NRCAM: variants seen among roughly 807,000 people sequenced by gnomAD.
NRCAM encodes the protein NgCAM-related cell adhesion molecule.
A neutral mutation model predicts 156.5 loss-of-function variants in NRCAM; 83 were observed. That is an observed-to-expected ratio of 0.53 (90% CI 0.44 to 0.64). The LOEUF (loss-of-function observed/expected upper bound fraction) is 0.64. Ranked by LOEUF, NRCAM falls within the 30% of genes least tolerant of loss-of-function variation. The pLI is 0.00. For missense variants in NRCAM, 1,417 were observed against 1,597.3 expected, an observed-to-expected ratio of 0.89 and a Z score of 1.92; for synonymous variants, 538 against 563.9, an observed-to-expected ratio of 0.95 and a Z score of 0.65.
chr7:108,333,678 A>G (rs1307266307), intron 2 of NRCAM, among the ~76,000 whole-genome samples: 1 of 152,232 alleles, frequency 6.6e-6, no homozygotes, highest in African/African-American at 2.4e-5. Flanking sequence ...GAATCTGTTA[A>G]AAGATATAGA....
intron 5 of NRCAM, among the ~76,000 whole-genome samples, chr7:108,236,419 G>A (rs1001274508): frequency 6.6e-6 from 1 of 151,758 alleles, no homozygotes; most frequent in Non-Finnish European, 1.5e-5. Flanking sequence ...CTTTCCAGCT[G>A]CCCTTCCCCC....
chr7:108,298,990 C>T (rs889864461), intron 3 of NRCAM, among the ~76,000 whole-genome samples: 5 of 148,392 alleles, frequency 3.4e-5, no homozygotes, highest in African/African-American at 5.0e-5. Flanking sequence ...TCTGTAATCC[C>T]AGCTACTTGG....
chr7:108,247,196 T>C (rs967028499), intron 3 of NRCAM, among the ~76,000 whole-genome samples: 2 of 152,166 alleles, frequency 1.3e-5, no homozygotes, highest in African/African-American at 2.4e-5. Context: ...TAATAAACTG[T>C]TGTTGTTTGA....
At chr7:108,179,770 C>A (rs2062504780) in intron 25 of NRCAM, among the ~76,000 whole-genome samples, 1 of 152,112 alleles carries the variant, frequency 6.6e-6, no homozygotes, top group Admixed American at 6.5e-5. Context: ...TAGAAAAGAG[C>A]ACTAAGAAAG....
chr7:108,230,836 T>C (rs1433163547), intron 8 of NRCAM, among the ~76,000 whole-genome samples, 195 bp downstream of exon 8: 1 of 152,126 alleles, frequency 6.6e-6, no homozygotes, highest in African/African-American at 2.4e-5. Flanking sequence ...CTGCAAAGAA[T>C]ATAAGCAAGA....
intron 2 of NRCAM, among the ~76,000 whole-genome samples, chr7:108,392,107 T>C (rs2099762186): frequency 6.6e-6 from 1 of 152,178 alleles, no homozygotes; most frequent in Non-Finnish European, 1.5e-5. Context: ...TTTCCTGAAT[T>C]TGAATGTTGG....
At chr7:108,339,422 A>G (rs960682695) in intron 2 of NRCAM, among the ~76,000 whole-genome samples, 1 of 152,234 alleles carries the variant, frequency 6.6e-6, no homozygotes, top group Non-Finnish European at 1.5e-5. Context: ...TCAAAAGGTT[A>G]CCTACACCCT....
chr7:108,297,459 TAAC>T (rs1250965994), intron 3 of NRCAM, among the ~76,000 whole-genome samples: 1 of 152,192 alleles, frequency 6.6e-6, no homozygotes, highest in Non-Finnish European at 1.5e-5. Context: ...TTTAATTAGC[TAAC>T]AACATTATCT....
chr7:108,363,622 A>T (rs934161331), intron 2 of NRCAM, among the ~76,000 whole-genome samples: 9 of 152,208 alleles, frequency 5.9e-5, no homozygotes, highest in African/African-American at 2.2e-4. Flanking sequence ...AGGATTGGGT[A>T]GTCTCTTTAC....
At chr7:108,284,707 G>A (rs919165713) in intron 3 of NRCAM, among the ~76,000 whole-genome samples, 18 of 152,084 alleles carry the variant, frequency 1.2e-4, no homozygotes, top group Non-Finnish European at 1.5e-4. Flanking sequence ...ATACGGAACC[G>A]CAACTGTTAG....
At chr7:108,254,756 A>G (rs2096547401) in intron 3 of NRCAM, among the ~76,000 whole-genome samples, 2 of 151,976 alleles carry the variant, frequency 1.3e-5, no homozygotes. Context: ...TCACTATATT[A>G]CCCAGACTGG....
intron 32 of NRCAM, among the ~76,000 whole-genome samples, chr7:108,155,439 T>C (rs1470316735): frequency 6.6e-6 from 1 of 152,052 alleles, no homozygotes; most frequent in Non-Finnish European, 1.5e-5. Context: ...CTTAGATTCA[T>C]GAATCAGGAT....
At position 108,184,577 on chromosome 7, in the gene NRCAM, T is replaced by A; in HGVS notation, c.2073A>T (p.Pro691=). Residue 691 remains proline (P), a synonymous_variant, in exon 21 of 33, where the codon CCA becomes CCT. Coordinates refer to ENST00000379028, the MANE Select transcript of NRCAM (RefSeq NM_001037132.4). ...CTTCAGTTTGGTGGTGCCACAGCCC[T>A]GGCTTGTGCATTGCATCTTCATATT... is the stretch of plus-strand genomic sequence containing the variant. The part of the protein sequence containing the change: ...IIEYEDAMHK[P]GLWHHQTEVS... 6.2e-7 allele frequency: 1 copy of A among 1,613,728 alleles called. No individual in the cohort carries two copies. Among genetic ancestry groups the A allele is most frequent in the Non-Finnish European group, 8.5e-7 (1 of 1,180,018 alleles).
chr7:108,284,330 C>T (rs1315219818), intron 3 of NRCAM, among the ~76,000 whole-genome samples: 1 of 152,162 alleles, frequency 6.6e-6, no homozygotes, highest in South Asian at 2.1e-4. Context: ...GTGAGTCTCT[C>T]TTCTCAACCT....
chr7:108,326,134 G>A (rs777661883), intron 2 of NRCAM, among the ~76,000 whole-genome samples: 4 of 152,028 alleles, frequency 2.6e-5, no homozygotes, highest in East Asian at 1.9e-4. Context: ...ATAAGCACAC[G>A]TATGTGTAAA....
At chr7:108,180,897 G>C (rs1282887832) in intron 24 of NRCAM, among the ~76,000 whole-genome samples, 1 of 152,204 alleles carries the variant, frequency 6.6e-6, no homozygotes, top group Non-Finnish European at 1.5e-5. Flanking sequence ...ATATGGTGCA[G>C]ATGAACGTGT....
intron 2 of NRCAM, among the ~76,000 whole-genome samples, chr7:108,337,255 T>G (rs1177902688): frequency 7.0e-6 from 1 of 143,196 alleles, no homozygotes; most frequent in Non-Finnish European, 1.5e-5. Flanking sequence ...AAAATGAGAC[T>G]TCATCTCAGA....
intron 3 of NRCAM, among the ~76,000 whole-genome samples, chr7:108,247,243 T>C (rs1254407830): frequency 6.6e-6 from 1 of 152,228 alleles, no homozygotes; most frequent in African/African-American, 2.4e-5. Flanking sequence ...TATATAGCCA[T>C]AGATATCTGC....
chr7:108,185,735 G>GA (rs34028548), intron 20 of NRCAM, among the ~76,000 whole-genome samples: 5,609 of 128,412 alleles, frequency 0.044, 196 homozygotes, highest in Middle Eastern at 0.11. Context: ...AGAGAGAGAG[G>GA]AAAAAAAAAA....
Sources: gnomAD v4.1 joint callset for allele counts (sites outside exome capture counted in the v4.1 genomes callset) on GRCh38, gnomAD v4.1.1 for gene constraint, MANE v1.5 for transcripts, NCBI Gene and HGNC (gene_info 2026-07-23, HGNC 2026-07-21) for gene names.